CDC42BPA: variants seen among roughly 807,000 people sequenced by gnomAD.
CDC42BPA encodes serine/threonine-protein kinase MRCK alpha.
A neutral mutation model predicts 223.5 loss-of-function variants in CDC42BPA; 80 were observed. The ratio of observed to expected loss-of-function variants is 0.36; its 90% CI spans 0.30 to 0.43. The LOEUF is 0.43. Among genes scored for constraint, CDC42BPA ranks in the 20% least tolerant of loss-of-function variants. The probability of loss-of-function intolerance (pLI) is 1.00; values close to 1 mark genes in which losing one functional copy is unlikely to be tolerated. For synonymous variants in CDC42BPA, 694 were observed against 718.6 expected, an observed-to-expected ratio of 0.97 and a Z score of 0.55; for missense variants, 1,743 against 2,099.9, an observed-to-expected ratio of 0.83 and a Z score of 3.32.
At chr1:227,067,839 A>C (rs1677426724) in intron 21 of CDC42BPA, among the ~76,000 whole-genome samples, 1 of 152,180 alleles carries the variant, frequency 6.6e-6, no homozygotes, top group Non-Finnish European at 1.5e-5. Flanking sequence ...CGATTTAAAA[A>C]ACAATTCTAT....
At chr1:227,135,841 G>A (rs192753267) in intron 10 of CDC42BPA, among the ~76,000 whole-genome samples, 2,242 of 96,396 alleles carry the variant, frequency 0.023, 114 homozygotes, top group African/African-American at 0.086. Flanking sequence ...GCGACAGAGC[G>A]AGACTCTGTC....
At chr1:227,050,329 T>A (rs1312423111) in intron 22 of CDC42BPA, among the ~76,000 whole-genome samples, 1 of 152,070 alleles carries the variant, frequency 6.6e-6, no homozygotes, top group South Asian at 2.1e-4. Context: ...GGTGAGGATG[T>A]GGGGAAATGG....
At chr1:227,104,979 G>A (rs1685659299) in intron 14 of CDC42BPA, among the ~76,000 whole-genome samples, 1 of 152,048 alleles carries the variant, frequency 6.6e-6, no homozygotes, top group Non-Finnish European at 1.5e-5. Flanking sequence ...AATACCTCTA[G>A]TAACATCACA....
At chr1:227,247,116 A>G (rs1558861614) in intron 2 of CDC42BPA, among the ~76,000 whole-genome samples, 1 of 151,706 alleles carries the variant, frequency 6.6e-6, no homozygotes. Flanking sequence ...TGGAAGAATC[A>G]CAGAACCTGG....
chr1:227,178,967 G>T (rs185926287), intron 5 of CDC42BPA, among the ~76,000 whole-genome samples: 49 of 152,264 alleles, frequency 3.2e-4, no homozygotes, highest in Non-Finnish European at 6.5e-4. Context: ...GAAAATGTTG[G>T]TGTCTTAGTC....
chr1:227,002,391 TAC>T lies in CDC42BPA; in HGVS notation c.4975+2601_4975+2602del, dbSNP rs1461498208. On this transcript the variant is annotated intron_variant, in intron 35 of 36. Coordinates refer to ENST00000366766, the MANE Select transcript of CDC42BPA (RefSeq NM_001394014.1). ...ATTGTGGTCAGGGCTACATACTGGGTACAGATGATGTTAGGAGATAATGGCAA... is the reference window on the plus strand; with the variant it reads ...ATTGTGGTCAGGGCTACATACTGGGTAGATGATGTTAGGAGATAATGGCAA... Among the ~76,000 whole-genome samples, 3 of 152,270 alleles carry T rather than the reference TAC, an allele frequency of 2.0e-5. No individual in the cohort carries two copies. In the East Asian group the frequency reaches 5.8e-4, roughly 29 times the overall value.
chr1:227,277,235 C>G (rs1687259329), intron 1 of CDC42BPA, among the ~76,000 whole-genome samples: 1 of 151,996 alleles, frequency 6.6e-6, no homozygotes, highest in Non-Finnish European at 1.5e-5. Context: ...AAATGACCAA[C>G]AGAGAACTTA....
At chr1:227,021,359 T>C in intron 32 of CDC42BPA, among the ~76,000 whole-genome samples, 1 of 152,204 alleles carries the variant, frequency 6.6e-6, no homozygotes, top group East Asian at 1.9e-4. Flanking sequence ...GTATGGGTCT[T>C]GGAAGTGAAG....
intron 1 of CDC42BPA, among the ~76,000 whole-genome samples, chr1:227,255,958 T>C (rs1682967220): frequency 1.3e-5 from 2 of 152,008 alleles, no homozygotes; most frequent in African/African-American, 2.4e-5. Context: ...CATCCTAAAA[T>C]TCATATGGAG....
chr1:227,154,049 C>A (rs919170717), intron 6 of CDC42BPA, among the ~76,000 whole-genome samples: 2 of 151,758 alleles, frequency 1.3e-5, no homozygotes, highest in Non-Finnish European at 3.0e-5. Context: ...GTAGAGTCAA[C>A]TAGGAATGTG....
Position 227,273,476 on chromosome 1 carries a change from G to A in CDC42BPA, c.179-19321C>T, listed in dbSNP as rs185337153. Among the ~76,000 whole-genome samples, 558 of 150,376 alleles carry A rather than the reference G, an allele frequency of 3.7e-3. 3 individuals carry two copies. Among genetic ancestry groups the A allele is most frequent in the African/African-American group, 0.013 (539 of 40,928 alleles). The stretch of plus-strand genomic sequence containing the variant: ...CAGACACTCAGGAGGCTGAGGCTGC[G>A]GTGAGCCGAGATGGCACCACTGCAC... On this transcript the variant is annotated intron_variant, in intron 1 of 36. Transcript: ENST00000366766.
intron 21 of CDC42BPA, among the ~76,000 whole-genome samples, chr1:227,062,073 G>A (rs1156848526): frequency 2.0e-5 from 3 of 152,122 alleles, no homozygotes; most frequent in Admixed American, 2.0e-4. Flanking sequence ...TTAAACCTAA[G>A]CTCTGTAATA....
chr1:227,035,857 A>C (rs868210055), intron 24 of CDC42BPA, among the ~76,000 whole-genome samples: 2 of 152,232 alleles, frequency 1.3e-5, no homozygotes, highest in Non-Finnish European at 2.9e-5. Context: ...TCAAAAAAAG[A>C]AGCAACAGAC....
intron 1 of CDC42BPA, among the ~76,000 whole-genome samples, chr1:227,279,464 G>A (rs1687667744): frequency 1.3e-5 from 2 of 151,782 alleles, no homozygotes; most frequent in African/African-American, 4.8e-5. Flanking sequence ...AAAATAGCAT[G>A]GAAATATCTG....
At chr1:227,154,645 G>T (rs1877622) in intron 6 of CDC42BPA, among the ~76,000 whole-genome samples, 1 of 151,766 alleles carries the variant, frequency 6.6e-6, no homozygotes, top group African/African-American at 2.4e-5. Flanking sequence ...TCCATAAGTC[G>T]TTTAGGAGCA....
chr1:227,021,325 G>C (rs1168065137), intron 32 of CDC42BPA, among the ~76,000 whole-genome samples: 1 of 152,116 alleles, frequency 6.6e-6, no homozygotes, highest in African/African-American at 2.4e-5. Context: ...ACAATAAAAT[G>C]GGGGTATGCC....
chr1:227,091,976 C>T lies in CDC42BPA; in HGVS notation c.2265G>A (p.Glu755=), dbSNP rs1683149550. The T allele has an allele frequency of 3.1e-6, 5 of 1,594,526 alleles. No individual in the cohort carries two copies. Among genetic ancestry groups the T allele is most frequent in the Non-Finnish European group, 3.4e-6 (4 of 1,167,590 alleles). Residue 755 remains glutamate (E), a synonymous_variant, in exon 16 of 37, where the codon GAG becomes GAA. Coordinates refer to ENST00000366766, the MANE Select transcript of CDC42BPA (RefSeq NM_001394014.1). The stretch of plus-strand genomic sequence containing the variant: ...GTTGTTTGAACTCACTTTCAAATTC[C>T]TCCCTTTCACTTTGACTAACACAAT... ...KTRRESQSER[E]EFESEFKQQY...
chr1:227,139,357 T>C (rs1020871428), intron 10 of CDC42BPA, among the ~76,000 whole-genome samples: 3 of 152,178 alleles, frequency 2.0e-5, no homozygotes, highest in African/African-American at 4.8e-5. Context: ...AACATAAATA[T>C]GTACCCACAG....
At chr1:226,998,055 C>A (rs1210085642) in intron 35 of CDC42BPA, among the ~76,000 whole-genome samples, 2 of 152,000 alleles carry the variant, frequency 1.3e-5, no homozygotes, top group African/African-American at 4.8e-5. Flanking sequence ...TTGCTACAAA[C>A]AGAATAAAAT....
Sources: gnomAD v4.1 joint callset for allele counts (sites outside exome capture counted in the v4.1 genomes callset) on GRCh38, gnomAD v4.1.1 for gene constraint, MANE v1.5 for transcripts, NCBI Gene and HGNC (gene_info 2026-07-23, HGNC 2026-07-21) for gene names.